The following USP45 variants were observed in gnomAD, a reference collection of about 807,000 sequenced individuals.
USP45 encodes the protein ubiquitin carboxyl-terminal hydrolase 45.
In USP45, 89 loss-of-function variants were observed where a neutral mutation model predicts 95.8. The ratio of observed to expected loss-of-function variants is 0.93; its 90% CI spans 0.78 to 1.11. The LOEUF (loss-of-function observed/expected upper bound fraction) is 1.11, where lower values mean the gene tolerates loss of function less well. Ranked by LOEUF, USP45 falls within the 50% of genes least tolerant of loss-of-function variation. The probability of loss-of-function intolerance (pLI) is 0.00; values close to 1 mark genes in which losing one functional copy is unlikely to be tolerated. For missense variants in USP45, 898 were observed against 942.5 expected (o/e 0.95, Z 0.62); for synonymous variants, 281 against 316.2 (o/e 0.89, Z 1.18).
chr6:99,482,983 T>C (rs1792804643), intron 7 of USP45, 100 bp from the exon 8 acceptor site: 2 of 980,710 alleles, frequency 2.0e-6, no homozygotes, highest in Non-Finnish European at 2.7e-6. Flanking sequence ...ACCAACTAAA[T>C]TGCCTCAATT....
At chr6:99,455,905 C>T (rs957573894) in intron 13 of USP45, among the ~76,000 whole-genome samples, 6 of 139,450 alleles carry the variant, frequency 4.3e-5, no homozygotes, top group Middle Eastern at 4.1e-3. Context: ...GAGACTGAGG[C>T]GGGTGGATCA....
At chr6:99,469,956 A>G (rs1481198602) in intron 9 of USP45, among the ~76,000 whole-genome samples, 1 of 152,164 alleles carries the variant, frequency 6.6e-6, no homozygotes, top group South Asian at 2.1e-4. Context: ...AGTTATATAT[A>G]TGGTATATGC....
intron 9 of USP45, among the ~76,000 whole-genome samples, chr6:99,469,727 C>A (rs1233595768): frequency 6.6e-6 from 1 of 151,496 alleles, no homozygotes; most frequent in East Asian, 1.9e-4. Context: ...AAGCAAGCCA[C>A]CTGCCTCAGC....
rs571267116 is a variant in USP45 at position 99,466,710 on chromosome 6, C to G, written c.1069G>C (p.Glu357Gln). 1 of 1,613,494 alleles carries G rather than the reference C, an allele frequency of 6.2e-7. No individual in the cohort carries two copies. The highest frequency in any genetic ancestry group is 1.3e-5 in the African/African-American group (1 of 75,012). The change falls in exon 11 of 18, where the codon GAA becomes CAA. Residue 357 changes from glutamate (E) to glutamine (Q), a missense_variant. By Grantham distance (29) the Glu-to-Gln change is conservative. Coordinates refer to ENST00000500704, the MANE Select transcript of USP45 (RefSeq NM_001346022.3). ...MNFIDRIFIG[E>Q]LTSTVMCEEC... ...TCACACATGACCGTGCTAGTTAATT[C>G]ACCAATAAAGATCCGATCTATGAAG...
At chr6:99,506,401 C>T (rs947071494) in intron 4 of USP45, among the ~76,000 whole-genome samples, 5 of 152,158 alleles carry the variant, frequency 3.3e-5, no homozygotes, top group African/African-American at 1.2e-4. Context: ...CTCCATCTCC[C>T]AGGTTCAAGC....
intron 13 of USP45, among the ~76,000 whole-genome samples, chr6:99,450,470 C>T (rs1783603525): frequency 6.6e-6 from 1 of 152,160 alleles, no homozygotes; most frequent in Admixed American, 6.5e-5. Flanking sequence ...TACACCCTCC[C>T]AAGACTAAAC....
intron 4 of USP45, among the ~76,000 whole-genome samples, chr6:99,505,026 T>C (rs1479818871): frequency 6.6e-6 from 1 of 152,196 alleles, no homozygotes; most frequent in African/African-American, 2.4e-5. Context: ...AAATTCATTA[T>C]ACCACTCTGT....
chr6:99,510,129 T>A lies in USP45; in HGVS notation c.92A>T (p.Asp31Val). ...TVPHDEDSSD[D>V]IAVGLTCQHV... ...CATATATCACAATTTACCAGCAATATCATCTGAAGAGTCTTCATCATGAGG... is the reference window on the plus strand; with the variant it reads ...CATATATCACAATTTACCAGCAATAACATCTGAAGAGTCTTCATCATGAGG... The change falls in exon 2 of 18, where the codon GAT becomes GTT. Residue 31 changes from aspartate (D) to valine (V), a missense_variant. By Grantham distance (152) the Asp-to-Val change is radical. Transcript: ENST00000500704. 1 of 1,610,546 alleles carries A rather than the reference T, an allele frequency of 6.2e-7. No homozygotes were observed. Among genetic ancestry groups the A allele is most frequent in the East Asian group, 2.2e-5 (1 of 44,840 alleles).
chr6:99,509,082 G>A (rs1799176934), intron 2 of USP45, among the ~76,000 whole-genome samples: 1 of 152,180 alleles, frequency 6.6e-6, no homozygotes. Context: ...TTGATTGGTG[G>A]TGGTTATACA....
intron 13 of USP45, among the ~76,000 whole-genome samples, chr6:99,457,299 GA>G (rs1785319584): frequency 6.6e-6 from 1 of 152,080 alleles, no homozygotes; most frequent in Non-Finnish European, 1.5e-5. Context: ...CTCCCCTTTT[GA>G]AAATCCCTAA....
intron 13 of USP45, among the ~76,000 whole-genome samples, chr6:99,464,401 T>G (rs1787357828): frequency 6.6e-6 from 1 of 152,162 alleles, no homozygotes; most frequent in African/African-American, 2.4e-5. Context: ...TCTGGGATTA[T>G]CCAAAAATAG....
intron 9 of USP45, among the ~76,000 whole-genome samples, chr6:99,474,280 C>A (rs549271478): frequency 4.6e-5 from 7 of 152,318 alleles, no homozygotes; most frequent in Non-Finnish European, 8.8e-5. Flanking sequence ...TCACTGCAAC[C>A]TCCGCCTCTC....
chr6:99,489,297 G>A (rs545122962), intron 5 of USP45, among the ~76,000 whole-genome samples: 140 of 152,216 alleles, frequency 9.2e-4, no homozygotes, highest in Non-Finnish European at 1.7e-3. Flanking sequence ...TGACCAGCTC[G>A]TTCAATTCAG....
chr6:99,456,975 G>GC (rs1162984513), intron 13 of USP45, among the ~76,000 whole-genome samples: 1 of 152,116 alleles, frequency 6.6e-6, no homozygotes, highest in Non-Finnish European at 1.5e-5. Context: ...CCTATGAATG[G>GC]CCCCCCTGGG....
At chr6:99,436,482 G>C (rs1023866166) in intron 17 of USP45, among the ~76,000 whole-genome samples, 1 of 152,068 alleles carries the variant, frequency 6.6e-6, no homozygotes, top group Non-Finnish European at 1.5e-5. Flanking sequence ...CTTGAACCCG[G>C]AAGGCAGAGG....
chr6:99,470,962 A>T (rs1311014770), intron 9 of USP45, among the ~76,000 whole-genome samples: 1 of 152,204 alleles, frequency 6.6e-6, no homozygotes, highest in Non-Finnish European at 1.5e-5. Flanking sequence ...GATATGATTT[A>T]ATGAAACTTT....
chr6:99,506,214 T>C (rs559209638), intron 4 of USP45, among the ~76,000 whole-genome samples: 311 of 152,356 alleles, frequency 2.0e-3, no homozygotes, highest in Non-Finnish European at 3.3e-3. Context: ...TAGGAGTCCA[T>C]AGATTCAAGT....
intron 13 of USP45, among the ~76,000 whole-genome samples, chr6:99,458,625 A>C (rs1409837846): frequency 6.6e-6 from 1 of 152,190 alleles, no homozygotes; most frequent in Non-Finnish European, 1.5e-5. Flanking sequence ...GGCTCAATAT[A>C]ATTGGTGTAA....
intron 8 of USP45, among the ~76,000 whole-genome samples, chr6:99,477,373 A>T (rs952254370): frequency 6.6e-6 from 1 of 152,100 alleles, no homozygotes; most frequent in African/African-American, 2.4e-5. Flanking sequence ...GCACAATCTC[A>T]GCTCACTGCA....
Sources: gnomAD v4.1 joint callset for allele counts (sites outside exome capture counted in the v4.1 genomes callset) on GRCh38, gnomAD v4.1.1 for gene constraint, MANE v1.5 for transcripts, NCBI Gene and HGNC (gene_info 2026-07-23, HGNC 2026-07-21) for gene names.